The following PLXNA2 variants were observed in gnomAD, a reference collection of about 807,000 sequenced individuals.
PLXNA2 encodes the protein plexin A2.
A neutral mutation model predicts 193.5 loss-of-function variants in PLXNA2; 91 were observed. The ratio of observed to expected loss-of-function variants is 0.47; its 90% CI spans 0.40 to 0.56. The LOEUF (loss-of-function observed/expected upper bound fraction) is 0.56, where lower values mean the gene tolerates loss of function less well. Among genes scored for constraint, PLXNA2 ranks in the 20% least tolerant of loss-of-function variants. The pLI is 0.00. For synonymous variants in PLXNA2, 997 were observed against 1,027.3 expected, an observed-to-expected ratio of 0.97 and a Z score of 0.56; for missense variants, 1,995 against 2,503.2, an observed-to-expected ratio of 0.80 and a Z score of 4.33.
intron 1 of PLXNA2, among the ~76,000 whole-genome samples, chr1:208,226,636 G>C (rs1259051437): frequency 6.6e-6 from 1 of 152,216 alleles, no homozygotes; most frequent in Non-Finnish European, 1.5e-5. Flanking sequence ...TGACCCTGCA[G>C]ACCTGCCCCA....
intron 4 of PLXNA2, among the ~76,000 whole-genome samples, chr1:208,108,239 G>A (rs1667337370): frequency 6.6e-6 from 1 of 152,056 alleles, no homozygotes; most frequent in Admixed American, 6.5e-5. Flanking sequence ...AATTATTAGA[G>A]GCAGTGGGGA....
chr1:208,031,858 T>G (rs1399625938), intron 28 of PLXNA2, 99 bp from the exon 29 acceptor site: 1 of 1,303,872 alleles, frequency 7.7e-7, no homozygotes, highest in African/African-American at 1.5e-5. Context: ...CCTTGGAAAT[T>G]TGTCTGGGAC....
intron 4 of PLXNA2, among the ~76,000 whole-genome samples, chr1:208,120,464 C>A (rs962181204): frequency 6.6e-6 from 1 of 152,178 alleles, no homozygotes; most frequent in Non-Finnish European, 1.5e-5. Flanking sequence ...CTTCATTAAG[C>A]ATTCCTCTGG....
At position 208,082,532 on chromosome 1, in the gene PLXNA2, T is replaced by A; in HGVS notation, c.2299-24A>T. 3.2e-6 allele frequency: 5 copies of A among 1,584,222 alleles called. No homozygotes were observed. The highest frequency in any genetic ancestry group is 1.1e-5 in the South Asian group (1 of 90,144). On this transcript the variant is annotated intron_variant, in intron 10 of 31. Transcript: ENST00000367033. This position sits in a 1 kb window ranked among gnomAD's most constrained non-coding sequence, Gnocchi z 4.2. ...TACTATAGGGAGACGGGCAGAGGCA[T>A]GGGGCTCATGTGGCTCTCTATCACA...
At chr1:208,031,313 G>A in intron 29 of PLXNA2, 1 of 1,270,892 alleles carries the variant, frequency 7.9e-7, no homozygotes, top group Non-Finnish European at 1.0e-6. Context: ...AGGGGAGGAG[G>A]CTCTTCTTGG....
chr1:208,191,912 G>A (rs1670196752), intron 3 of PLXNA2, among the ~76,000 whole-genome samples: 1 of 152,280 alleles, frequency 6.6e-6, no homozygotes, highest in Non-Finnish European at 1.5e-5. Context: ...AAGCCCCGAG[G>A]TGAGAACAAG....
intron 2 of PLXNA2, among the ~76,000 whole-genome samples, chr1:208,215,053 C>G (rs1355595378): frequency 6.6e-6 from 1 of 151,940 alleles, no homozygotes; most frequent in African/African-American, 2.4e-5. Flanking sequence ...CACTCTGTCA[C>G]CCAGGCTGGA....
chr1:208,208,294 C>T (rs1283564434), intron 3 of PLXNA2, among the ~76,000 whole-genome samples: 3 of 152,202 alleles, frequency 2.0e-5, no homozygotes, highest in Non-Finnish European at 2.9e-5. Flanking sequence ...CATTCTCAGT[C>T]TCCCTCCCTG....
At chr1:208,031,794 G>C in intron 28 of PLXNA2, 35 bp from the exon 29 acceptor site, 3 of 1,519,852 alleles carry the variant, frequency 2.0e-6, no homozygotes, top group Non-Finnish European at 2.7e-6. Flanking sequence ...AGATGGAGGG[G>C]GGTGACGGCA....
At chr1:208,068,684 T>C (rs958766011) in intron 12 of PLXNA2, among the ~76,000 whole-genome samples, 2 of 152,220 alleles carry the variant, frequency 1.3e-5, no homozygotes, top group Non-Finnish European at 2.9e-5. Context: ...TTCCTTTGCT[T>C]GTCACACACG....
chr1:208,052,227 A>G (rs545310894), intron 15 of PLXNA2, 100 bp downstream of exon 15: 2 of 1,188,558 alleles, frequency 1.7e-6, no homozygotes, highest in African/African-American at 3.0e-5. Flanking sequence ...AATAACATGG[A>G]GGTGATGGGG....
Position 208,028,717 on chromosome 1 carries a change from G to A in PLXNA2, c.5438+113C>T. The A allele has an allele frequency of 2.1e-6, 2 of 931,492 alleles. No individual in the cohort carries two copies. Among genetic ancestry groups the A allele is most frequent in the Admixed American group, 2.6e-5 (1 of 37,740 alleles). 57.7% of individuals were successfully genotyped at this position (931,492 alleles called of 1,614,324 possible). A position where few individuals can be genotyped will look rare whatever the true frequency, so the allele number is the denominator to read the frequency against. ...GGGTGTGGCAGGGAGGGGAGTGGGA[G>A]GTCCTGAAGAGATGACAGACACCGT... On this transcript the variant is annotated intron_variant, in intron 30 of 31. Coordinates refer to ENST00000367033, the MANE Select transcript of PLXNA2 (RefSeq NM_025179.4). The surrounding 1 kb of genome is among the most constrained non-coding windows in gnomAD (Gnocchi z 4.2).
intron 4 of PLXNA2, among the ~76,000 whole-genome samples, chr1:208,110,913 C>T (rs1344002675): frequency 6.6e-6 from 1 of 152,170 alleles, no homozygotes; most frequent in African/African-American, 2.4e-5. Flanking sequence ...ACCCGCCTGA[C>T]CACTGCAAAT....
intron 3 of PLXNA2, among the ~76,000 whole-genome samples, chr1:208,192,986 C>T (rs1670233502): frequency 6.6e-6 from 1 of 151,340 alleles, no homozygotes; most frequent in Non-Finnish European, 1.5e-5. Context: ...AAGCAATGGG[C>T]CCGCTACACA....
intron 4 of PLXNA2, among the ~76,000 whole-genome samples, chr1:208,114,823 T>A (rs897725283): frequency 6.6e-5 from 10 of 151,914 alleles, no homozygotes; most frequent in East Asian, 1.9e-4. Context: ...AGTAGATGAG[T>A]GTGTGTGTAT....
intron 6 of PLXNA2, among the ~76,000 whole-genome samples, chr1:208,097,689 C>T (rs1292712252): frequency 6.6e-6 from 1 of 152,114 alleles, no homozygotes; most frequent in Non-Finnish European, 1.5e-5. Context: ...ATCCATTGCA[C>T]TTTTAAATGA....
chr1:208,063,603 GTGTC>G (rs1665685444), intron 12 of PLXNA2, among the ~76,000 whole-genome samples: 1 of 152,206 alleles, frequency 6.6e-6, no homozygotes, highest in Non-Finnish European at 1.5e-5. Flanking sequence ...GGCTTGGAAA[GTGTC>G]TGGGGAGTGT....
chr1:208,228,109 T>C (rs560227445), intron 1 of PLXNA2, among the ~76,000 whole-genome samples: 6 of 152,260 alleles, frequency 3.9e-5, no homozygotes, highest in African/African-American at 9.6e-5. Flanking sequence ...GTCCACATCT[T>C]TTTCTTCTTG....
At chr1:208,087,779 G>A (rs553538556) in intron 9 of PLXNA2, among the ~76,000 whole-genome samples, 1 of 152,172 alleles carries the variant, frequency 6.6e-6, no homozygotes, top group South Asian at 2.1e-4. Flanking sequence ...AGGGCTGAAA[G>A]TGGGTGGAGG....
Sources: gnomAD v4.1 joint callset for allele counts (sites outside exome capture counted in the v4.1 genomes callset) on GRCh38, gnomAD v4.1.1 for gene constraint, Gnocchi (gnomAD v3.1) non-coding constraint, MANE v1.5 for transcripts, NCBI Gene and HGNC (gene_info 2026-07-23, HGNC 2026-07-21) for gene names.